ZNF182: variants seen among roughly 807,000 people sequenced by gnomAD.
ZNF182 encodes zinc finger protein 182, also known as zinc finger protein 21 (KOX 14).
A neutral mutation model predicts 28.1 loss-of-function variants in ZNF182; 10 were observed. The observed-to-expected ratio is 0.36, with a 90% CI of 0.22 to 0.60. The LOEUF (loss-of-function observed/expected upper bound fraction) is 0.60, where lower values mean the gene tolerates loss of function less well. Ranked by LOEUF, ZNF182 falls within the 20% of genes least tolerant of loss-of-function variation. ZNF182 has a pLI of 0.75. For synonymous variants in ZNF182, 156 were observed against 158.7 expected (o/e 0.98, Z 0.13); for missense variants, 352 against 453.2 (o/e 0.78, Z 2.03).
rs2058878083 is a variant in ZNF182 at position 47,975,219 on chromosome X, G to A, written c.*948C>T. 8.9e-6 allele frequency: 1 copy of A among 112,047 alleles called. No homozygotes were observed. Among genetic ancestry groups the A allele is most frequent in the East Asian group, 2.8e-4 (1 of 3,589 alleles). 9.2% of individuals were successfully genotyped at this position (112,047 alleles called of 1,213,427 possible). ...ATTGTTGTCTACCCAGGAGTAGGCT[G>A]TATGAATATACCACAATTTAGGGAA... On this transcript the variant is annotated 3_prime_UTR_variant, in exon 6 of 6. Transcript: ENST00000376943.
intron 3 of ZNF182, among the ~76,000 whole-genome samples, chrX:47,990,892 A>C (rs2058939176): frequency 8.9e-6 from 1 of 112,152 alleles, no homozygotes; most frequent in Non-Finnish European, 1.9e-5. Flanking sequence ...GTCCTACAGA[A>C]ATGTCTCCAC....
chrX:47,984,613 T>A, intron 3 of ZNF182, among the ~76,000 whole-genome samples: 1 of 111,346 alleles, frequency 9.0e-6, no homozygotes. Flanking sequence ...GTGAAGCAGG[T>A]TCACCTGCTT....
At chrX:47,999,279 C>T (rs1029057646) in intron 3 of ZNF182, among the ~76,000 whole-genome samples, 20 of 107,726 alleles carry the variant, frequency 1.9e-4, no homozygotes, top group Non-Finnish European at 5.7e-5. Context: ...ACTCAGCAGG[C>T]TGGGGCAGGA....
In ZNF182 at chrX:47,975,404, T is replaced by G. The variant is rs2058879096; in HGVS notation, c.*763A>C. On this transcript the variant is annotated 3_prime_UTR_variant, in exon 6 of 6. Coordinates refer to ENST00000376943, the MANE Select transcript of ZNF182 (RefSeq NM_001007088.2). ...CCAAAAACCAAATGCATTTGTGGTTTTGATTACTTTTGAATAATTCCTCTT... is the reference window on the plus strand; with the variant it reads ...CCAAAAACCAAATGCATTTGTGGTTGTGATTACTTTTGAATAATTCCTCTT... The G allele has an allele frequency of 8.9e-6, 1 of 112,767 alleles. No individual in the cohort carries two copies. 9.3% of individuals were successfully genotyped at this position (112,767 alleles called of 1,213,427 possible). A position where few individuals can be genotyped will look rare whatever the true frequency, so the allele number is the denominator to read the frequency against.
intron 5 of ZNF182, 52 bp downstream of exon 5, chrX:47,982,897 C>G (rs1428962184): frequency 8.8e-7 from 1 of 1,131,841 alleles, no homozygotes; most frequent in Non-Finnish European, 1.2e-6. Context: ...TCACCTCTGA[C>G]TAATAGGGTG....
In ZNF182 at chrX:47,976,622, T is replaced by C. The variant is rs782818033; in HGVS notation, c.1408A>G (p.Asn470Asp). The change falls in exon 6 of 6, where the codon AAT (asparagine) becomes GAT (aspartate). Residue 470 changes from asparagine (N) to aspartate (D), a missense_variant. Asn to Asp is a conservative substitution (Grantham distance 23). Transcript: ENST00000376943. ...GHTGEKPYEC[N>D]ECEKAFSQKS... ...TGTGAAAATGCTTTTTCACATTCATTGCACTCGTAAGGTTTCTCTCCTGTA... is the reference window on the plus strand; with the variant it reads ...TGTGAAAATGCTTTTTCACATTCATCGCACTCGTAAGGTTTCTCTCCTGTA... 72 of 1,208,646 alleles carry C rather than the reference T, an allele frequency of 6.0e-5. No individual in the cohort carries two copies. The highest frequency in any genetic ancestry group is 7.8e-5 in the Non-Finnish European group (70 of 894,460).
At chrX:47,991,408 G>A (rs2058941084) in intron 3 of ZNF182, among the ~76,000 whole-genome samples, 1 of 111,985 alleles carries the variant, frequency 8.9e-6, no homozygotes, top group African/African-American at 3.3e-5. Flanking sequence ...ATTTTGTAAT[G>A]GCAGCCTGAA....
chrX:47,982,844 G>T, intron 5 of ZNF182, 105 bp downstream of exon 5: 1 of 782,171 alleles, frequency 1.3e-6, no homozygotes, highest in Non-Finnish European at 1.9e-6. Context: ...CCAAGGGCCA[G>T]AACCTTTTCC....
In ZNF182 at chrX:47,999,405, T is replaced by C. The variant is rs191070856; in HGVS notation, c.15+3190A>G. 7.4e-5 allele frequency among the ~76,000 whole-genome samples: 8 copies of C among 108,170 alleles called. No homozygotes were observed. The East Asian group carries it at 2.3e-3, about 31-fold the overall frequency. 93.9% of individuals were successfully genotyped at this position (108,170 alleles called of 115,157 possible). On this transcript the variant is annotated intron_variant, in intron 3 of 5. Coordinates refer to ENST00000376943, the MANE Select transcript of ZNF182 (RefSeq NM_001007088.2). Reference sequence around the variant, plus strand: ...AAGGAAATTCTGCCATTTGCAACAATGGATGAACCTGGGGGACATTATCCT... The same window carrying C: ...AAGGAAATTCTGCCATTTGCAACAACGGATGAACCTGGGGGACATTATCCT...
chrX:47,983,093 G>C, intron 4 of ZNF182, 55 bp from the exon 5 acceptor site: 7 of 1,159,694 alleles, frequency 6.0e-6, no homozygotes, highest in Non-Finnish European at 8.2e-6. Context: ...CTCTGAGACA[G>C]AAGAAGTTAC....
intron 3 of ZNF182, chrX:47,988,622 G>A: frequency 7.7e-6 from 3 of 387,405 alleles, no homozygotes; most frequent in Non-Finnish European, 9.2e-6. Context: ...GCAGGACTGT[G>A]AGCCAAATAA....
At chrX:47,983,211 A>G (rs1394161854) in intron 4 of ZNF182, 74 bp downstream of exon 4, 2 of 1,182,750 alleles carry the variant, frequency 1.7e-6, no homozygotes, top group Non-Finnish European at 2.3e-6. Flanking sequence ...AAAAGAGGGA[A>G]CTGAGAAAGG....
Position 47,977,418 on chromosome X carries a change from T to A in ZNF182, c.612A>T (p.Leu204=). 3 of 1,209,536 alleles carry A rather than the reference T, an allele frequency of 2.5e-6. No individual in the cohort carries two copies. Among genetic ancestry groups the A allele is most frequent in the Non-Finnish European group, 3.4e-6 (3 of 894,955 alleles). The part of the protein sequence containing the change: ...KGLRRKKGLS[L]HQRIKNGEKP... ...TCTCTCCATTTTTAATTCTCTGATG[T>A]AGACTAAGGCCTTTCTTTCGCCTAA... is the stretch of plus-strand genomic sequence containing the variant. The change falls in exon 6 of 6, where the codon CTA becomes CTT. Residue 204 remains leucine (L), a synonymous_variant. Transcript: ENST00000376943.
At chrX:47,982,066 C>G (rs1423158762) in intron 5 of ZNF182, among the ~76,000 whole-genome samples, 1 of 111,729 alleles carries the variant, frequency 9.0e-6, no homozygotes, top group Non-Finnish European at 1.9e-5. Context: ...TTGAAACAAG[C>G]AAAATTTCCA....
rs193036071 is a variant in ZNF182 at position 47,977,065 on chromosome X, G to A, written c.965C>T (p.Thr322Ile). 3.3e-6 allele frequency: 4 copies of A among 1,208,913 alleles called. No homozygotes were observed. Among genetic ancestry groups the A allele is most frequent in the Non-Finnish European group, 4.5e-6 (4 of 895,009 alleles). ...SNLIVHQKTH[T>I]GEKTYECTKC... The stretch of plus-strand genomic sequence containing the variant: ...AGTGCATTCATAGGTTTTCTCTCCA[G>A]TGTGGGTTTTCTGATGGACAATGAG... The change falls in exon 6 of 6, where the codon ACT becomes ATT. Residue 322 changes from threonine (T) to isoleucine (I), a missense_variant. Transcript: ENST00000376943.
chrX:47,990,253 G>A (rs1291948756), intron 3 of ZNF182, among the ~76,000 whole-genome samples: 2 of 111,174 alleles, frequency 1.8e-5, no homozygotes, highest in Non-Finnish European at 3.8e-5. Context: ...AAAAATCCGC[G>A]TCTGGTTACT....
chrX:47,996,338 G>T (rs1247275839), intron 3 of ZNF182, among the ~76,000 whole-genome samples: 1 of 108,337 alleles, frequency 9.2e-6, no homozygotes, highest in Non-Finnish European at 1.9e-5. Context: ...AATTTGCAGG[G>T]CAACCACCAA....
intron 3 of ZNF182, among the ~76,000 whole-genome samples, chrX:47,997,162 AC>A (rs2058961534): frequency 9.2e-6 from 1 of 108,174 alleles, no homozygotes; most frequent in South Asian, 4.1e-4. Flanking sequence ...CCCCATCTCT[AC>A]AAAAAATTAG....
chrX:47,989,247 G>A (rs1379314895), intron 3 of ZNF182, among the ~76,000 whole-genome samples: 1 of 110,591 alleles, frequency 9.0e-6, no homozygotes, highest in Non-Finnish European at 1.9e-5. Context: ...GGCCAACATA[G>A]TGAAACCCCA....
Sources: allele counts gnomAD v4.1 joint callset (sites outside exome capture counted in the v4.1 genomes callset), GRCh38; gene constraint gnomAD v4.1.1; transcripts MANE v1.5; gene names NCBI Gene and HGNC (gene_info 2026-07-23, HGNC 2026-07-21).